Variants in OSBPL9 observed in about 807,000 individuals in gnomAD.
OSBPL9 encodes oxysterol binding protein like 9.
OSBPL9 carries 40 observed loss-of-function variants against 106.6 expected under a neutral mutation model. The ratio of observed to expected loss-of-function variants is 0.38; its 90% CI spans 0.29 to 0.49. The LOEUF is 0.49. Ranked by LOEUF, OSBPL9 falls within the 20% of genes least tolerant of loss-of-function variation. OSBPL9 has a pLI of 0.97. For synonymous variants in OSBPL9, 269 were observed against 295.4 expected (o/e 0.91, Z 0.92); for missense variants, 609 against 887.2 (o/e 0.69, Z 3.98).
chr1:51,785,460 C>T (rs975454777), intron 20 of OSBPL9: 2 of 225,470 alleles, frequency 8.9e-6, no homozygotes, highest in Non-Finnish European at 1.7e-5. Context: ...CATGTAAGCT[C>T]ACCACAGCAC....
chr1:51,744,870 A>T (rs1437939970), intron 4 of OSBPL9, among the ~76,000 whole-genome samples: 1 of 152,250 alleles, frequency 6.6e-6, no homozygotes, highest in Non-Finnish European at 1.5e-5. Context: ...CTGCACTTTT[A>T]GACCGAGAAA....
At chr1:51,732,147 G>A (rs180688025) in intron 4 of OSBPL9, among the ~76,000 whole-genome samples, 45 of 152,328 alleles carry the variant, frequency 3.0e-4, no homozygotes, top group African/African-American at 1.0e-3. Flanking sequence ...CCAGGAAAGA[G>A]CATTATTTTG....
At chr1:51,526,979 C>T in the OSBPL9 span, among the ~76,000 whole-genome samples, 3 of 152,064 alleles carry the variant, frequency 2.0e-5, no homozygotes, top group African/African-American at 7.2e-5. Context: ...CTCCTGACCT[C>T]GTGATCTGCC....
chr1:51,565,986 G>A, the OSBPL9 span: 1 of 152,206 alleles, frequency 6.6e-6, no homozygotes, highest in Admixed American at 6.5e-5. Context: ...ATGAGCCAAT[G>A]AGTATACTCC....
upstream of OSBPL9, among the ~76,000 whole-genome samples, chr1:51,615,705 T>G (rs1480716559): frequency 6.6e-6 from 1 of 152,198 alleles, no homozygotes; most frequent in Admixed American, 6.5e-5. Flanking sequence ...CCTTTTTAGC[T>G]CTTTCTCTTG....
rs908715782 is a variant in OSBPL9 at position 51,596,127 on chromosome 1, G to A, written c.-422-1997G>A. 3.3e-5 allele frequency among the ~76,000 whole-genome samples: 5 copies of A among 150,816 alleles called. No homozygotes were observed. In the East Asian group the frequency reaches 5.9e-4, roughly 18 times the overall value. On this transcript the variant is annotated intron_variant, in intron 1 of 25. Coordinates refer to the OSBPL9 transcript ENST00000371714. The stretch of plus-strand genomic sequence containing the variant: ...ACAAAAATTAGCCGGGCATGGTGGC[G>A]GGCGACTATAATCCCAGCTACTTGG...
In OSBPL9 at chr1:51,711,357, C is replaced by T. The variant is rs1350331845; in HGVS notation, c.242-2646C>T. Among the ~76,000 whole-genome samples the T allele has an allele frequency of 1.7e-4, 25 of 148,334 alleles. No individual in the cohort carries two copies. In the East Asian group the frequency reaches 1.8e-3, roughly 11 times the overall value. ...GGGGCTGACCCCCCCACCTCCCTCCCGGACTAGGCGGCTGGCCGGGCAGAG... is the reference window on the plus strand; with the variant it reads ...GGGGCTGACCCCCCCACCTCCCTCCTGGACTAGGCGGCTGGCCGGGCAGAG... On this transcript the variant is annotated intron_variant, in intron 3 of 23. Transcript: ENST00000428468.
intron 4 of OSBPL9, among the ~76,000 whole-genome samples, chr1:51,737,545 GGT>G (rs57886494): frequency 0.65 from 92,596 of 142,280 alleles, 30,733 homozygotes; most frequent in South Asian, 0.75. Flanking sequence ...ATATTTCAGG[GGT>G]GTGTGTGTGT....
At chr1:51,696,912 G>A (rs1244834624) in intron 3 of OSBPL9, among the ~76,000 whole-genome samples, 1 of 151,988 alleles carries the variant, frequency 6.6e-6, no homozygotes, top group Non-Finnish European at 1.5e-5. Context: ...AGCTGCTTGG[G>A]AGGCTTAGGC....
intron 12 of OSBPL9, among the ~76,000 whole-genome samples, chr1:51,770,677 A>T (rs1425292305): frequency 1.3e-5 from 2 of 152,236 alleles, no homozygotes; most frequent in East Asian, 3.8e-4. Flanking sequence ...CATTAGTTAT[A>T]ATACCTTGTG....
intron 13 of OSBPL9, 96 bp from the exon 14 acceptor site, chr1:51,772,509 C>T: frequency 1.0e-6 from 1 of 1,003,410 alleles, no homozygotes; most frequent in South Asian, 1.3e-5. Context: ...GAATGAGACT[C>T]CATCTCAAAC....
intron 2 of OSBPL9, among the ~76,000 whole-genome samples, chr1:51,661,238 A>G (rs765679451): frequency 1.9e-4 from 29 of 152,172 alleles, no homozygotes; most frequent in Non-Finnish European, 3.4e-4. Flanking sequence ...CAGAGGAGTC[A>G]TCATTCTTTT....
At chr1:51,720,017 A>G (rs1331395339) in intron 4 of OSBPL9, among the ~76,000 whole-genome samples, 1 of 152,248 alleles carries the variant, frequency 6.6e-6, no homozygotes, top group Non-Finnish European at 1.5e-5. Flanking sequence ...CTTCCTTGGC[A>G]TAGCACATGC....
chr1:51,782,491 TACCAG>T, intron 16 of OSBPL9, 63 bp from the exon 17 acceptor site: 1 of 1,297,392 alleles, frequency 7.7e-7, no homozygotes, highest in Non-Finnish European at 1.1e-6. Flanking sequence ...AGACCCCAAT[TACCAG>T]ATTCTCTGAA....
At chr1:51,583,149 G>A (rs1490929495) in intron 1 of OSBPL9, among the ~76,000 whole-genome samples, 1 of 151,976 alleles carries the variant, frequency 6.6e-6, no homozygotes, top group African/African-American at 2.4e-5. Context: ...ATTATGTGGG[G>A]AAAATTAAAC....
intron 1 of OSBPL9, among the ~76,000 whole-genome samples, chr1:51,627,763 A>G (rs1306008351): frequency 2.6e-5 from 4 of 152,044 alleles, no homozygotes; most frequent in South Asian, 2.1e-4. Context: ...GTCTTCCTCA[A>G]TATACATTTG....
rs565316757 is a variant in OSBPL9 at position 51,625,516 on chromosome 1, ATCT to A, written c.111+8306_111+8308del. On this transcript the variant is annotated intron_variant, in intron 1 of 23. Coordinates refer to ENST00000428468, the MANE Select transcript of OSBPL9 (RefSeq NM_024586.6). ...CTCATTTATTTAATTGTAAAGGATT[ATCT>A]TCTTCTTCTTTTTTTTTTTTTAATG... Among the ~76,000 whole-genome samples the A allele has an allele frequency of 2.5e-3, 382 of 151,324 alleles. 1 individual carries two copies. The highest frequency in any genetic ancestry group is 8.4e-3 in the African/African-American group (347 of 41,174).
chr1:51,703,594 A>T (rs1657792678), intron 3 of OSBPL9, among the ~76,000 whole-genome samples: 1 of 152,236 alleles, frequency 6.6e-6, no homozygotes, highest in African/African-American at 2.4e-5. Flanking sequence ...GTCAAGGGAC[A>T]ATTTGACTTC....
the OSBPL9 span, among the ~76,000 whole-genome samples, chr1:51,518,924 C>T: frequency 6.6e-6 from 1 of 151,422 alleles, no homozygotes; most frequent in Non-Finnish European, 1.5e-5. Flanking sequence ...TCACAGTCCA[C>T]TCGGCAGCGG....
Sources: allele counts gnomAD v4.1 joint callset (sites outside exome capture counted in the v4.1 genomes callset), GRCh38; gene constraint gnomAD v4.1.1; transcripts MANE v1.5; gene names NCBI Gene and HGNC (gene_info 2026-07-23, HGNC 2026-07-21).